Variants in C5 observed in about 807,000 individuals in gnomAD.
C5 encodes the protein complement C5.
Under a neutral mutation model 218.8 loss-of-function variants are expected in C5, and 140 were observed. That is an observed-to-expected ratio of 0.64 (90% CI 0.56 to 0.74). C5 has a LOEUF of 0.74. Among genes scored for constraint, C5 ranks in the 30% least tolerant of loss-of-function variants. The pLI is 0.00. For missense variants in C5, 1,700 were observed against 1,969.6 expected (o/e 0.86, Z 2.59); for synonymous variants, 614 against 682.3 (o/e 0.90, Z 1.56).
At chr9:121,046,164 T>G in intron 2 of C5, 27 bp downstream of exon 2, 1 of 1,165,672 alleles carries the variant, frequency 8.6e-7, no homozygotes, top group Non-Finnish European at 1.3e-6. Context: ...TATATATATA[T>G]AAAGAAAATA....
intron 25 of C5, among the ~76,000 whole-genome samples, chr9:120,987,259 T>C (rs919808030): frequency 8.5e-5 from 13 of 152,076 alleles, no homozygotes; most frequent in African/African-American, 3.1e-4. Flanking sequence ...CTAGATGTTA[T>C]GGAAATCATG....
chr9:121,026,381 A>G (rs962818393), intron 8 of C5, among the ~76,000 whole-genome samples: 1 of 152,226 alleles, frequency 6.6e-6, no homozygotes, highest in Admixed American at 6.5e-5. Flanking sequence ...ATTTCCTTGC[A>G]AGAAACTATG....
rs540183786 is a variant in C5 at position 121,034,720 on chromosome 9, A to C, written c.584+83T>G. On this transcript the variant is annotated intron_variant, in intron 5 of 40. Coordinates refer to ENST00000223642, the MANE Select transcript of C5 (RefSeq NM_001735.3). Reference sequence around the variant, plus strand: ...CACCTATGTGACACCCTTTGTTAACATTAGGTGGCCCCCTTTAACTGGTTA... The same window carrying C: ...CACCTATGTGACACCCTTTGTTAACCTTAGGTGGCCCCCTTTAACTGGTTA... The C allele has an allele frequency of 5.3e-6, 4 of 747,714 alleles. No homozygotes were observed. The Admixed American group carries it at 5.8e-5, about 11-fold the overall frequency. 46.3% of individuals were successfully genotyped at this position (747,714 alleles called of 1,614,324 possible).
rs1324740106 is a variant in C5 at position 120,980,240 on chromosome 9, A to G, written c.3501T>C (p.Ala1167=). The change falls in exon 28 of 41, where the codon GCT becomes GCC. Residue 1167 remains alanine (A), a synonymous_variant. Transcript: ENST00000223642. Reference sequence around the variant, plus strand: ...GCAGAAAGTTGTCAGCTTTAATTAGAGCTGTGTCGATTTTCTGGAAACAAG... The same window carrying G: ...GCAGAAAGTTGTCAGCTTTAATTAGGGCTGTGTCGATTTTCTGGAAACAAG... The part of the protein sequence containing the change: ...DICPLVKIDT[A]LIKADNFLLE... 6.2e-7 allele frequency: 1 copy of G among 1,614,070 alleles called. No homozygotes were observed.
chr9:120,974,365 A>G (rs987569272), intron 30 of C5, among the ~76,000 whole-genome samples: 26 of 152,170 alleles, frequency 1.7e-4, no homozygotes, highest in African/African-American at 5.8e-4. Flanking sequence ...TCCTACGCTC[A>G]CTGTACTGCT....
At chr9:121,073,421 T>C in the C5 span, among the ~76,000 whole-genome samples, 24,686 of 152,068 alleles carry the variant, frequency 0.16, 2,070 homozygotes, top group African/African-American at 0.2. Flanking sequence ...TAATGAAATA[T>C]CTAAGACATA....
chr9:121,012,514 C>T (rs2047270253), intron 17 of C5, among the ~76,000 whole-genome samples: 1 of 152,070 alleles, frequency 6.6e-6, no homozygotes, highest in South Asian at 2.1e-4. Flanking sequence ...AACTCTGTCT[C>T]TCAAACAAAC....
At chr9:120,969,268 T>C in intron 32 of C5, 150 bp from the exon 33 acceptor site, 1 of 677,170 alleles carries the variant, frequency 1.5e-6, no homozygotes, top group East Asian at 2.7e-5. Context: ...ATACTTTCAG[T>C]GGTTCTAATG....
intron 22 of C5, among the ~76,000 whole-genome samples, chr9:120,994,922 GAAAA>G (rs11306867): frequency 3.0e-5 from 4 of 133,964 alleles, no homozygotes; most frequent in East Asian, 2.1e-4. Context: ...CATCTGTGGT[GAAAA>G]AAAAAAAAAA....
the C5 span, among the ~76,000 whole-genome samples, chr9:121,058,703 T>G: frequency 6.6e-6 from 1 of 152,040 alleles, no homozygotes; most frequent in Non-Finnish European, 1.5e-5. Context: ...CTTCCCAAAG[T>G]GCTGGGATTA....
At chr9:121,012,773 T>C (rs1479529744) in intron 17 of C5, among the ~76,000 whole-genome samples, 3 of 152,238 alleles carry the variant, frequency 2.0e-5, no homozygotes, top group South Asian at 2.1e-4. Context: ...CTATATAGTA[T>C]AGCCTATTTC....
At chr9:120,953,571 G>A (rs1191165513) in intron 40 of C5, among the ~76,000 whole-genome samples, 159 bp downstream of exon 40, 4 of 152,180 alleles carry the variant, frequency 2.6e-5, no homozygotes, top group African/African-American at 7.2e-5. Context: ...CAGCTGCCAC[G>A]ATGGTTTTAA....
chr9:120,968,119 AATATGTTACCTTAT>A (rs1398591243), intron 33 of C5, among the ~76,000 whole-genome samples: 1 of 152,166 alleles, frequency 6.6e-6, no homozygotes, highest in African/African-American at 2.4e-5. Context: ...TGAACCTGTG[AATATGTTACCTTAT>A]GTGGCAAAGA....
Position 120,952,370 on chromosome 9 carries a change from C to A in C5, c.*369G>T. The A allele has an allele frequency of 3.5e-6, 1 of 289,600 alleles. No homozygotes were observed. The highest frequency in any genetic ancestry group is 3.5e-5 in the South Asian group (1 of 28,862). 17.9% of individuals were successfully genotyped at this position (289,600 alleles called of 1,614,324 possible). On this transcript the variant is annotated 3_prime_UTR_variant, in exon 41 of 41. Transcript: ENST00000223642. ...AACTCAGGCTTTAATGATCAGTTTC[C>A]TGTTCCTTGGTATTTTCTTTCAAGC...
intron 33 of C5, among the ~76,000 whole-genome samples, chr9:120,965,244 C>A (rs2046858261): frequency 6.6e-6 from 1 of 152,164 alleles, no homozygotes; most frequent in Non-Finnish European, 1.5e-5. Context: ...GCAGTCCCAG[C>A]TGGGTGCGGT....
intron 4 of C5, among the ~76,000 whole-genome samples, chr9:121,035,620 A>G (rs1046914022): frequency 1.3e-5 from 2 of 152,070 alleles, no homozygotes; most frequent in Non-Finnish European, 2.9e-5. Context: ...TCCAGGCTGG[A>G]GTGCAGTGGT....
chr9:121,052,666 C>G (rs1175230053), upstream of C5, among the ~76,000 whole-genome samples: 2 of 152,016 alleles, frequency 1.3e-5, no homozygotes, highest in Non-Finnish European at 2.9e-5. Context: ...GTGCACCAGG[C>G]CCCTCTTGAG....
At chr9:121,019,512 A>G (rs1464438251) in intron 12 of C5, among the ~76,000 whole-genome samples, 1 of 152,222 alleles carries the variant, frequency 6.6e-6, no homozygotes, top group Non-Finnish European at 1.5e-5. Context: ...CAGGCAAGAT[A>G]GGATTCAATT....
chr9:120,987,984 G>C (rs948067221), intron 25 of C5, among the ~76,000 whole-genome samples: 1 of 152,062 alleles, frequency 6.6e-6, no homozygotes, highest in Non-Finnish European at 1.5e-5. Flanking sequence ...ATAGAGACGG[G>C]GTTTCACCAT....
Sources: gnomAD v4.1 joint callset for allele counts (sites outside exome capture counted in the v4.1 genomes callset) on GRCh38, gnomAD v4.1.1 for gene constraint, MANE v1.5 for transcripts, NCBI Gene and HGNC (gene_info 2026-07-23, HGNC 2026-07-21) for gene names.